Variants in IMMP2L observed in about 807,000 individuals in gnomAD.
IMMP2L encodes the protein inner mitochondrial membrane peptidase subunit 2, also known as mitochondrial inner membrane protease subunit 2.
Under a neutral mutation model 19.3 loss-of-function variants are expected in IMMP2L, and 18 were observed. That is an observed-to-expected ratio of 0.93 (90% CI 0.64 to 1.38). IMMP2L has a LOEUF of 1.38. Among genes scored for constraint, IMMP2L ranks in the 40% most tolerant of loss-of-function variants. IMMP2L has a pLI of 0.00. For synonymous variants in IMMP2L, 76 were observed against 73.0 expected (o/e 1.04, Z -0.21); for missense variants, 233 against 218.2 (o/e 1.07, Z -0.43).
chr7:111,105,088 A>T (rs1273824470), intron 3 of IMMP2L, among the ~76,000 whole-genome samples: 3 of 151,898 alleles, frequency 2.0e-5, no homozygotes, highest in African/African-American at 7.2e-5. Context: ...TCCTTACTAA[A>T]GGTCTCATTG....
chr7:110,787,793 T>C (rs188612773), intron 5 of IMMP2L, among the ~76,000 whole-genome samples: 491 of 151,996 alleles, frequency 3.2e-3, no homozygotes, highest in Non-Finnish European at 5.9e-3. Context: ...CTTGCCCTCA[T>C]AGGGTTCACA....
At chr7:111,010,334 T>C (rs1824806513) in intron 3 of IMMP2L, among the ~76,000 whole-genome samples, 1 of 152,152 alleles carries the variant, frequency 6.6e-6, no homozygotes, top group Admixed American at 6.6e-5. Context: ...GTAATGTAAC[T>C]CAAAATTTGG....
intron 5 of IMMP2L, among the ~76,000 whole-genome samples, chr7:110,837,814 C>T (rs1414478300): frequency 2.0e-5 from 3 of 152,086 alleles, no homozygotes; most frequent in Non-Finnish European, 2.9e-5. Context: ...CAAACAGGTG[C>T]TTTCCTTCCT....
At chr7:111,485,439 A>T (rs962367656) in intron 3 of IMMP2L, among the ~76,000 whole-genome samples, 1 of 151,928 alleles carries the variant, frequency 6.6e-6, no homozygotes, top group African/African-American at 2.4e-5. Flanking sequence ...TCTACTAAAA[A>T]TACAAAAAAT....
intron 3 of IMMP2L, among the ~76,000 whole-genome samples, chr7:111,042,930 G>C (rs889396035): frequency 3.3e-5 from 5 of 152,218 alleles, no homozygotes; most frequent in East Asian, 1.9e-4. Flanking sequence ...CCTAAGCAGA[G>C]TGCCTGGCTT....
intron 3 of IMMP2L, among the ~76,000 whole-genome samples, chr7:111,441,291 A>C (rs937753725): frequency 1.3e-5 from 2 of 151,942 alleles, no homozygotes; most frequent in African/African-American, 4.9e-5. Flanking sequence ...ACTAAGCTGA[A>C]TAATTTCTAG....
At chr7:110,802,016 A>C (rs1297603210) in intron 5 of IMMP2L, among the ~76,000 whole-genome samples, 1 of 152,048 alleles carries the variant, frequency 6.6e-6, no homozygotes, top group African/African-American at 2.4e-5. Flanking sequence ...GTCTCCATGA[A>C]ATACATGGAG....
chr7:111,044,582 A>T (rs1792206921), intron 3 of IMMP2L, among the ~76,000 whole-genome samples: 1 of 152,196 alleles, frequency 6.6e-6, no homozygotes, highest in African/African-American at 2.4e-5. Flanking sequence ...AAATAAAAAT[A>T]AAATTGTACA....
Position 111,181,922 on chromosome 7 carries a change from A to C in IMMP2L, c.240-218357T>G, listed in dbSNP as rs1255160321. On this transcript the variant is annotated intron_variant, in intron 3 of 5. Coordinates refer to ENST00000405709, the MANE Select transcript of IMMP2L (RefSeq NM_032549.4). ...TTAGATATGCTCAAACCTTGCTTAC[A>C]TATAGAACAAGTGTTGAATAAAATT... 3.3e-5 allele frequency among the ~76,000 whole-genome samples: 5 copies of C among 152,172 alleles called. No homozygotes were observed. The East Asian group carries it at 9.7e-4, about 29-fold the overall frequency.
At chr7:110,878,271 A>G (rs776786793) in intron 5 of IMMP2L, among the ~76,000 whole-genome samples, 13 of 151,530 alleles carry the variant, frequency 8.6e-5, no homozygotes, top group Non-Finnish European at 1.8e-4. Context: ...TATGAAATGC[A>G]TGGAGCATGA....
intron 4 of IMMP2L, chr7:110,962,822 T>A (rs1819108501): frequency 8.2e-7 from 1 of 1,222,770 alleles, no homozygotes; most frequent in Non-Finnish European, 1.0e-6. Flanking sequence ...TTCCTCAATG[T>A]AGTAGTCAAA....
chr7:111,175,916 C>CA (rs1299882443), intron 3 of IMMP2L, among the ~76,000 whole-genome samples: 1 of 151,362 alleles, frequency 6.6e-6, no homozygotes, highest in Non-Finnish European at 1.5e-5. Flanking sequence ...ATAAGGTGAT[C>CA]AAAAATAGGA....
chr7:111,281,803 C>CA (rs1487420895), intron 3 of IMMP2L, among the ~76,000 whole-genome samples: 1 of 152,082 alleles, frequency 6.6e-6, no homozygotes, highest in East Asian at 1.9e-4. Context: ...AGTGAAGAGA[C>CA]AGATCAGTCA....
intron 3 of IMMP2L, among the ~76,000 whole-genome samples, chr7:111,427,113 G>A (rs1283798537): frequency 1.4e-5 from 2 of 145,632 alleles, no homozygotes; most frequent in African/African-American, 2.5e-5. Context: ...TACTCTTTAC[G>A]GAGTTCGCTA....
At chr7:111,476,744 C>T (rs1008321879) in intron 3 of IMMP2L, among the ~76,000 whole-genome samples, 1 of 152,124 alleles carries the variant, frequency 6.6e-6, no homozygotes, top group Admixed American at 6.6e-5. Flanking sequence ...GCCTGCTTTC[C>T]TCTGCCCATG....
chr7:111,325,757 C>T (rs904116907), intron 3 of IMMP2L, among the ~76,000 whole-genome samples: 10 of 151,714 alleles, frequency 6.6e-5, no homozygotes, highest in East Asian at 3.9e-4. Flanking sequence ...ATTCCGACCA[C>T]GAGTATATAA....
At chr7:110,724,081 A>G (rs1795741943) in intron 5 of IMMP2L, 1 of 152,194 alleles carries the variant, frequency 6.6e-6, no homozygotes, top group Admixed American at 6.5e-5. Context: ...AATTCTGCTT[A>G]CCAACAACCT....
At chr7:111,107,945 A>G (rs1798735053) in intron 3 of IMMP2L, among the ~76,000 whole-genome samples, 1 of 152,150 alleles carries the variant, frequency 6.6e-6, no homozygotes, top group African/African-American at 2.4e-5. Flanking sequence ...TTTTGCACCA[A>G]AAATATTTCC....
At chr7:111,023,273 T>G (rs974259993) in intron 3 of IMMP2L, among the ~76,000 whole-genome samples, 1 of 152,212 alleles carries the variant, frequency 6.6e-6, no homozygotes, top group South Asian at 2.1e-4. Flanking sequence ...TAAACACACA[T>G]GCACTCACAA....
Sources: gnomAD v4.1 joint callset for allele counts (sites outside exome capture counted in the v4.1 genomes callset) on GRCh38, gnomAD v4.1.1 for gene constraint, MANE v1.5 for transcripts, NCBI Gene and HGNC (gene_info 2026-07-23, HGNC 2026-07-21) for gene names.